ANKRD36: variants seen among roughly 807,000 people sequenced by gnomAD.
ANKRD36 encodes the protein ankyrin repeat domain 36.
In ANKRD36, 179 loss-of-function variants were observed where a neutral mutation model predicts 278.1. That is an observed-to-expected ratio of 0.64 (90% CI 0.57 to 0.73). ANKRD36 has a LOEUF of 0.73. Ranked by LOEUF, ANKRD36 falls within the 30% of genes least tolerant of loss-of-function variation. The pLI, the probability that ANKRD36 is intolerant of heterozygous loss-of-function variation, is 0.00. For synonymous variants in ANKRD36, 320 were observed against 641.1 expected (o/e 0.50, Z 7.57); for missense variants, 1,159 against 1,956.7 (o/e 0.59, Z 7.69).
At chr2:97,231,121 C>T (rs2071859411) in intron 67 of ANKRD36, among the ~76,000 whole-genome samples, 1 of 152,108 alleles carries the variant, frequency 6.6e-6, no homozygotes, top group African/African-American at 2.4e-5. Context: ...GCAGTCTGCC[C>T]ATTCTCAGAT....
At chr2:97,114,414 T>G (rs1574445895) in intron 1 of ANKRD36, among the ~76,000 whole-genome samples, 1 of 123,298 alleles carries the variant, frequency 8.1e-6, no homozygotes, top group African/African-American at 3.2e-5. Flanking sequence ...GTGGAAACCT[T>G]GGCGGGGGCG....
At chr2:97,260,388 A>ATG (rs2076599840) in intron 75 of ANKRD36, among the ~76,000 whole-genome samples, 1 of 133,382 alleles carries the variant, frequency 7.5e-6, no homozygotes, top group Admixed American at 8.3e-5. Flanking sequence ...ATACACACAT[A>ATG]TATACATACA....
At chr2:97,219,117 C>T (rs2066707723) in intron 65 of ANKRD36, 39 bp downstream of exon 65, 1 of 1,544,174 alleles carries the variant, frequency 6.5e-7, no homozygotes, top group African/African-American at 1.4e-5. Flanking sequence ...TTATTAACTG[C>T]ATAACCTATA....
chr2:97,192,837 T>C, intron 36 of ANKRD36, 21 bp from the exon 37 acceptor site: 6 of 1,598,554 alleles, frequency 3.8e-6, no homozygotes, highest in Non-Finnish European at 5.1e-6. Context: ...TGAGTGATTA[T>C]GTATCCCTTT....
At position 97,203,716 on chromosome 2, in the gene ANKRD36, A is replaced by G. The variant is rs549516124; in HGVS notation, c.2960-352A>G. Among the ~76,000 whole-genome samples, 3 of 151,938 alleles carry G rather than the reference A, an allele frequency of 2.0e-5. No individual in the cohort carries two copies. The East Asian group carries it at 5.8e-4, about 30-fold the overall frequency. On this transcript the variant is annotated intron_variant, in intron 48 of 75. Coordinates refer to ENST00000420699, the MANE Select transcript of ANKRD36 (RefSeq NM_001354587.1). ...GTATGAAAGACATGTGGGATCATGT[A>G]GCACCTGCTTTGACATTGATTCTGA...
In ANKRD36 at chr2:97,243,878, G is replaced by A; in HGVS notation, c.4340G>A (p.Arg1447Lys). The A allele has an allele frequency of 6.2e-7, 1 of 1,606,174 alleles. No homozygotes were observed. ...ATACAGCAAGAAAAAAAGAAAAGAAGAAATGTTGAAGAGGTGCACCAAAAA... is the reference window on the plus strand; with the variant it reads ...ATACAGCAAGAAAAAAAGAAAAGAAAAAATGTTGAAGAGGTGCACCAAAAA... ...FAIQQEKKKR[R>K]NVEEVHQKVR... The change falls in exon 70 of 76, where the codon AGA becomes AAA. Residue 1447 changes from arginine (R) to lysine (K), a missense_variant. Physicochemically the swap from Arg to Lys is conservative, Grantham distance 26. Transcript: ENST00000420699.
intron 22 of ANKRD36, among the ~76,000 whole-genome samples, chr2:97,176,526 C>T (rs1254029588): frequency 2.1e-5 from 3 of 143,328 alleles, no homozygotes; most frequent in Non-Finnish European, 3.1e-5. Context: ...TGTCTCTGCA[C>T]GTGAGATGGG....
At chr2:97,177,783 T>G (rs368401987) in intron 22 of ANKRD36, among the ~76,000 whole-genome samples, 1 of 151,808 alleles carries the variant, frequency 6.6e-6, no homozygotes, top group Admixed American at 6.6e-5. Context: ...ACTTCATGTC[T>G]AAAACACCAA....
chr2:97,222,499 G>C (rs6577005), intron 66 of ANKRD36, among the ~76,000 whole-genome samples: 31,516 of 150,122 alleles, frequency 0.21, 3,887 homozygotes, highest in African/African-American at 0.49. Flanking sequence ...CTTAATGCCT[G>C]CCATTTGGAT....
intron 67 of ANKRD36, among the ~76,000 whole-genome samples, chr2:97,227,350 T>C (rs1016253646): frequency 2.0e-5 from 3 of 152,142 alleles, no homozygotes; most frequent in Admixed American, 1.3e-4. Flanking sequence ...ACATCGCTTG[T>C]AAGTTGGATT....
intron 52 of ANKRD36, among the ~76,000 whole-genome samples, chr2:97,206,447 A>C (rs1283710750): frequency 6.6e-6 from 1 of 151,464 alleles, no homozygotes; most frequent in African/African-American, 2.4e-5. Flanking sequence ...CTAAGGGTGG[A>C]AGGAGAAAGA....
rs1261579424 is a variant in ANKRD36 at position 97,211,589 on chromosome 2, A to T, written c.3396+15A>T. The T allele has an allele frequency of 6.2e-7, 1 of 1,607,144 alleles. No homozygotes were observed. Among genetic ancestry groups the T allele is most frequent in the South Asian group, 1.1e-5 (1 of 90,496 alleles). The stretch of plus-strand genomic sequence containing the variant: ...CAGCATTGAAGGTAATTAAGCTCTC[A>T]TTTATATTTTGAACTATTAACTGTA... On this transcript the variant is annotated intron_variant, in intron 57 of 75. Coordinates refer to ENST00000420699, the MANE Select transcript of ANKRD36 (RefSeq NM_001354587.1).
chr2:97,225,564 A>C (rs1343404911), intron 67 of ANKRD36, among the ~76,000 whole-genome samples: 5 of 152,104 alleles, frequency 3.3e-5, no homozygotes, highest in Non-Finnish European at 4.4e-5. Flanking sequence ...AATATATAAC[A>C]CTGTCAATCA....
intron 42 of ANKRD36, among the ~76,000 whole-genome samples, chr2:97,197,800 T>C (rs1373779534): frequency 6.6e-6 from 1 of 151,886 alleles, no homozygotes; most frequent in East Asian, 1.9e-4. Context: ...TACTATCCTT[T>C]GGTGCCAAGA....
chr2:97,142,133 T>A (rs532156499), intron 6 of ANKRD36, among the ~76,000 whole-genome samples: 2 of 152,292 alleles, frequency 1.3e-5, no homozygotes, highest in Admixed American at 1.3e-4. Flanking sequence ...ACACTTCCAC[T>A]GAGGAGATGT....
chr2:97,147,543 G>A (rs1057030867), intron 11 of ANKRD36, among the ~76,000 whole-genome samples: 2 of 151,946 alleles, frequency 1.3e-5, no homozygotes, highest in South Asian at 4.2e-4. Flanking sequence ...AACTCAAAGA[G>A]AGAAAATTAT....
At chr2:97,120,810 T>C (rs1245121258) in intron 3 of ANKRD36, among the ~76,000 whole-genome samples, 2 of 152,170 alleles carry the variant, frequency 1.3e-5, no homozygotes, top group Admixed American at 1.3e-4. Flanking sequence ...ATGTGTCCCA[T>C]ACATGTGTTT....
At chr2:97,209,487 A>G (rs960231675) in intron 54 of ANKRD36, among the ~76,000 whole-genome samples, 194 bp from the exon 55 acceptor site, 1 of 146,288 alleles carries the variant, frequency 6.8e-6, no homozygotes, top group Non-Finnish European at 1.5e-5. Context: ...TTGTAAGGGT[A>G]TATTTCATGG....
At chr2:97,192,801 A>G (rs919703515) in intron 36 of ANKRD36, 57 bp from the exon 37 acceptor site, 30 of 1,550,546 alleles carry the variant, frequency 1.9e-5, no homozygotes, top group African/African-American at 6.8e-5. Context: ...TCATGAATGT[A>G]TGGATAACTT....
Sources: allele counts gnomAD v4.1 joint callset (sites outside exome capture counted in the v4.1 genomes callset), GRCh38; gene constraint gnomAD v4.1.1; transcripts MANE v1.5; gene names NCBI Gene and HGNC (gene_info 2026-07-23, HGNC 2026-07-21).